Variants in HDX observed in about 807,000 individuals in gnomAD.
HDX encodes the protein chromosome X open reading frame 43.
A neutral mutation model predicts 45.2 loss-of-function variants in HDX; 19 were observed. The ratio of observed to expected loss-of-function variants is 0.42; its 90% CI spans 0.29 to 0.62. HDX has a LOEUF of 0.62. Ranked by LOEUF, HDX falls within the 20% of genes least tolerant of loss-of-function variation. The pLI, the probability that HDX is intolerant of heterozygous loss-of-function variation, is 0.20. For synonymous variants in HDX, 188 were observed against 172.8 expected (o/e 1.09, Z -0.69); for missense variants, 532 against 493.9 (o/e 1.08, Z -0.73).
chrX:84,325,706 AT>A (rs1317354995), intron 10 of HDX, among the ~76,000 whole-genome samples: 3 of 111,699 alleles, frequency 2.7e-5, no homozygotes, highest in Non-Finnish European at 5.7e-5. Context: ...GTAATTTCAT[AT>A]TTTCTTAGTG....
intron 5 of HDX, among the ~76,000 whole-genome samples, chrX:84,423,778 C>T (rs61469178): frequency 0.11 from 12,668 of 111,235 alleles, 626 homozygotes; most frequent in South Asian, 0.29. Context: ...CAGGATAAAA[C>T]TCTTTAAAAA....
At chrX:84,427,185 CTAAG>C (rs2039402601) in intron 5 of HDX, among the ~76,000 whole-genome samples, 2 of 110,770 alleles carry the variant, frequency 1.8e-5, no homozygotes, top group Admixed American at 9.6e-5. Context: ...AATTTGAAGA[CTAAG>C]TATTCATCAC....
intron 5 of HDX, among the ~76,000 whole-genome samples, chrX:84,375,266 G>A (rs2038020995): frequency 1.8e-5 from 2 of 111,001 alleles, no homozygotes; most frequent in South Asian, 3.8e-4. Context: ...AGAGGATGTG[G>A]AGAAATAGGG....
chrX:84,384,055 G>T (rs2038251690), intron 5 of HDX, among the ~76,000 whole-genome samples: 1 of 110,941 alleles, frequency 9.0e-6, no homozygotes, highest in South Asian at 3.8e-4. Context: ...TTTCCTTTGG[G>T]TATATAACCC....
At chrX:84,405,266 G>T (rs895270979) in intron 5 of HDX, among the ~76,000 whole-genome samples, 8 of 109,948 alleles carry the variant, frequency 7.3e-5, no homozygotes, top group African/African-American at 2.6e-4. Flanking sequence ...TTTCTCTAAA[G>T]TCCTAACTAA....
At chrX:84,465,229 T>C (rs936763126) in intron 4 of HDX, among the ~76,000 whole-genome samples, 1 of 112,072 alleles carries the variant, frequency 8.9e-6, no homozygotes, top group Non-Finnish European at 1.9e-5. Flanking sequence ...GGTGGGAATG[T>C]AAATTAGTTC....
intron 5 of HDX, among the ~76,000 whole-genome samples, chrX:84,397,896 A>T (rs978593477): frequency 1.8e-5 from 2 of 111,387 alleles, no homozygotes; most frequent in Non-Finnish European, 3.8e-5. Flanking sequence ...CAAATGTAGA[A>T]CCTGAAAGAT....
chrX:84,488,895 A>G (rs759038704), intron 1 of HDX, among the ~76,000 whole-genome samples: 6 of 111,848 alleles, frequency 5.4e-5, no homozygotes, highest in Non-Finnish European at 1.1e-4. Flanking sequence ...AAATTTTTGC[A>G]TATCCTTTTT....
At chrX:84,326,554 C>CA (rs1456671200) in intron 9 of HDX, among the ~76,000 whole-genome samples, 9 of 110,436 alleles carry the variant, frequency 8.1e-5, no homozygotes, top group African/African-American at 3.0e-4. Flanking sequence ...AGAGAAAAAC[C>CA]AAAAAACAGC....
intron 5 of HDX, among the ~76,000 whole-genome samples, chrX:84,368,977 C>G (rs1214972717): frequency 1.8e-5 from 2 of 110,723 alleles, no homozygotes; most frequent in African/African-American, 6.6e-5. Context: ...AGGCAGAGCT[C>G]AGGCATTAAT....
At chrX:84,422,312 A>AT (rs2039274674) in intron 5 of HDX, among the ~76,000 whole-genome samples, 1 of 112,003 alleles carries the variant, frequency 8.9e-6, no homozygotes, top group Non-Finnish European at 1.9e-5. Context: ...AAAGTGAAAA[A>AT]TTCCTTGCAA....
chrX:84,336,866 C>G lies in HDX; in HGVS notation c.1675G>C (p.Val559Leu). The G allele has an allele frequency of 8.5e-7, 1 of 1,173,196 alleles. No homozygotes were observed. Among genetic ancestry groups the G allele is most frequent in the South Asian group, 1.9e-5 (1 of 52,870 alleles). Residue 559 changes from valine (V) to leucine (L), a missense_variant, in exon 8 of 11, where the codon GTT becomes CTT. This residue lies in a region of HDX where 151 missense variants were observed against 131.8 expected (regional missense o/e 1.15). Coordinates refer to ENST00000373177, the MANE Select transcript of HDX (RefSeq NM_001177479.2). ...EGSSQEEPNE[V>L]VPNDARAHKE... ...TGAGCCCTTGCATCATTCGGAACAA[C>G]TTCATTGGGCTCTTCTACAGAAAAA...
chrX:84,319,806 T>C lies in HDX; in HGVS notation c.*2083A>G, dbSNP rs1050058897. The stretch of plus-strand genomic sequence containing the variant: ...TAAAAAGAAATAATTATTTGTGATG[T>C]TTACAGCTTGCTGAGAAATCCAATG... On this transcript the variant is annotated 3_prime_UTR_variant, in exon 11 of 11. Coordinates refer to ENST00000373177, the MANE Select transcript of HDX (RefSeq NM_001177479.2). 1.8e-5 allele frequency: 2 copies of C among 111,368 alleles called. No homozygotes were observed. The highest frequency in any genetic ancestry group is 3.2e-5 in the African/African-American group (1 of 30,815). 9.2% of individuals were successfully genotyped at this position (111,368 alleles called of 1,213,427 possible).
intron 8 of HDX, among the ~76,000 whole-genome samples, chrX:84,335,746 T>C (rs915064422): frequency 2.7e-5 from 3 of 111,325 alleles, no homozygotes; most frequent in African/African-American, 9.7e-5. Flanking sequence ...TGTTTTCCTG[T>C]ATGCTTGTTA....
intron 4 of HDX, among the ~76,000 whole-genome samples, chrX:84,463,148 A>T (rs985866635): frequency 1.8e-5 from 2 of 110,732 alleles, no homozygotes; most frequent in African/African-American, 6.6e-5. Context: ...CACACTTTTA[A>T]TGTGTGAATT....
intron 5 of HDX, among the ~76,000 whole-genome samples, chrX:84,430,502 A>G (rs190640236): frequency 2.2e-3 from 244 of 111,143 alleles, no homozygotes; most frequent in Non-Finnish European, 3.6e-3. Flanking sequence ...TGTCTCTTCT[A>G]TGAAATGATT....
chrX:84,385,274 C>T (rs1369652247), intron 5 of HDX, among the ~76,000 whole-genome samples: 2 of 73,751 alleles, frequency 2.7e-5, no homozygotes, highest in Non-Finnish European at 4.6e-5. Flanking sequence ...AGTGCAGTGG[C>T]GGGATCTCGG....
At chrX:84,362,959 G>T (rs2037657766) in intron 5 of HDX, among the ~76,000 whole-genome samples, 1 of 111,159 alleles carries the variant, frequency 9.0e-6, no homozygotes, top group Non-Finnish European at 1.9e-5. Flanking sequence ...ATAAATATAT[G>T]AATTCTTGGT....
chrX:84,358,033 C>T (rs1449403126), intron 6 of HDX, among the ~76,000 whole-genome samples: 1 of 111,769 alleles, frequency 8.9e-6, no homozygotes, highest in Non-Finnish European at 1.9e-5. Flanking sequence ...TGGAAGGCAT[C>T]AGGGTTTTTG....
Sources: gnomAD v4.1 joint callset for allele counts (sites outside exome capture counted in the v4.1 genomes callset) on GRCh38, gnomAD v4.1.1 for gene constraint, gnomAD v4.1.1 regional missense constraint, MANE v1.5 for transcripts, NCBI Gene and HGNC (gene_info 2026-07-23, HGNC 2026-07-21) for gene names.